Variants in DLG2 observed in about 807,000 individuals in gnomAD.
DLG2 encodes discs large MAGUK scaffold protein 2.
DLG2 carries 45 observed loss-of-function variants against 132.5 expected under a neutral mutation model. The ratio of observed to expected loss-of-function variants is 0.34; its 90% CI spans 0.27 to 0.44. DLG2 has a LOEUF of 0.44. DLG2 is among the 20% of genes least tolerant of loss of function. The probability of loss-of-function intolerance (pLI) is 1.00; values close to 1 mark genes in which losing one functional copy is unlikely to be tolerated. For synonymous variants in DLG2, 424 were observed against 419.6 expected (o/e 1.01, Z -0.13); for missense variants, 1,045 against 1,196.9 (o/e 0.87, Z 1.87).
At chr11:83,921,337 C>T (rs2077852515) in intron 15 of DLG2, among the ~76,000 whole-genome samples, 1 of 152,094 alleles carries the variant, frequency 6.6e-6, no homozygotes, top group South Asian at 2.1e-4. Flanking sequence ...AAAACTTCTG[C>T]TCAAATAAAA....
chr11:83,756,011 G>A (rs2093629815), intron 18 of DLG2, among the ~76,000 whole-genome samples: 1 of 151,422 alleles, frequency 6.6e-6, no homozygotes, highest in South Asian at 2.1e-4. Flanking sequence ...TTCAGCAAAA[G>A]ATTAAATTGG....
chr11:85,364,729 T>G (rs1248889047), intron 3 of DLG2, among the ~76,000 whole-genome samples: 2 of 152,240 alleles, frequency 1.3e-5, no homozygotes, highest in African/African-American at 4.8e-5. Context: ...TTACTGACTT[T>G]AATAGTAATA....
At chr11:83,676,253 C>A (rs1238148809) in intron 18 of DLG2, among the ~76,000 whole-genome samples, 1 of 152,146 alleles carries the variant, frequency 6.6e-6, no homozygotes, top group East Asian at 1.9e-4. Context: ...GAGTCACTGG[C>A]AACTGTCCTG....
chr11:83,674,278 A>G (rs2077319871), intron 18 of DLG2, among the ~76,000 whole-genome samples: 1 of 152,190 alleles, frequency 6.6e-6, no homozygotes, highest in Admixed American at 6.5e-5. Context: ...AATATATTTC[A>G]ATATTTTAAG....
Position 83,906,253 on chromosome 11 carries a change from TCTCTCA to T in DLG2, c.1496+24069_1496+24074del, listed in dbSNP as rs1270743259. ...AGATGTCTCTCTCTCTCTCTCTCTC[TCTCTCA>T]CACACACACACACACACACACACAC... On this transcript the variant is annotated intron_variant, in intron 15 of 27. Coordinates refer to ENST00000376104, the MANE Select transcript of DLG2 (RefSeq NM_001142699.3). Among the ~76,000 whole-genome samples the T allele has an allele frequency of 3.0e-4, 29 of 96,778 alleles. 2 individuals are homozygous for T. Among genetic ancestry groups the T allele is most frequent in the African/African-American group, 1.0e-3 (25 of 24,300 alleles). 63.5% of individuals were successfully genotyped at this position (96,778 alleles called of 152,430 possible). A position where few individuals can be genotyped will look rare whatever the true frequency, so the allele number is the denominator to read the frequency against.
At chr11:85,242,292 C>T (rs2075921821) in intron 4 of DLG2, among the ~76,000 whole-genome samples, 1 of 151,512 alleles carries the variant, frequency 6.6e-6, no homozygotes, top group Non-Finnish European at 1.5e-5. Flanking sequence ...AATGTGATCT[C>T]GTTTTTCCTC....
intron 3 of DLG2, among the ~76,000 whole-genome samples, chr11:85,591,894 T>C (rs2079376230): frequency 6.6e-6 from 1 of 152,254 alleles, no homozygotes; most frequent in African/African-American, 2.4e-5. Context: ...TGGCAAAGTG[T>C]TCAATAAATA....
intron 3 of DLG2, among the ~76,000 whole-genome samples, chr11:85,523,435 T>C (rs2074476093): frequency 6.6e-6 from 1 of 152,124 alleles, no homozygotes; most frequent in African/African-American, 2.4e-5. Context: ...TAAACAGACA[T>C]TTCTCAAAAG....
At chr11:84,011,785 G>GA (rs1398401494) in intron 11 of DLG2, among the ~76,000 whole-genome samples, 13 of 152,126 alleles carry the variant, frequency 8.5e-5, no homozygotes, top group Non-Finnish European at 1.5e-4. Flanking sequence ...ATGAGTACAA[G>GA]AGAGTTAAAA....
At chr11:84,023,827 T>C (rs2095467935) in intron 11 of DLG2, among the ~76,000 whole-genome samples, 1 of 152,136 alleles carries the variant, frequency 6.6e-6, no homozygotes, top group Non-Finnish European at 1.5e-5. Context: ...ATCCTTCTCC[T>C]TACCTACTCA....
At chr11:84,292,408 A>T (rs931542462) in intron 7 of DLG2, among the ~76,000 whole-genome samples, 10 of 152,258 alleles carry the variant, frequency 6.6e-5, no homozygotes, top group African/African-American at 2.4e-4. Context: ...GCCTCCTGGG[A>T]GTCAGCCTGC....
At chr11:84,352,589 A>C (rs1366893847) in intron 7 of DLG2, among the ~76,000 whole-genome samples, 1 of 152,180 alleles carries the variant, frequency 6.6e-6, no homozygotes, top group Non-Finnish European at 1.5e-5. Context: ...TTGTGGGTGT[A>C]AGTGAAGGAG....
rs1216282286 is a variant in DLG2 at position 85,351,873 on chromosome 11, T to C, written c.41-66508A>G. ...AGGGATATTGGGCTAAAATTCTCTT[T>C]TTTTGTTGCGTCCCTGTCAGGCTTT... On this transcript the variant is annotated intron_variant, in intron 3 of 27. Transcript: ENST00000376104. Among the ~76,000 whole-genome samples the C allele has an allele frequency of 3.3e-5, 5 of 152,204 alleles. No individual in the cohort carries two copies. The South Asian group carries it at 1.0e-3, about 31-fold the overall frequency.
At chr11:85,079,999 G>A (rs912948911) in intron 6 of DLG2, among the ~76,000 whole-genome samples, 6 of 152,066 alleles carry the variant, frequency 3.9e-5, no homozygotes, top group Non-Finnish European at 7.4e-5. Context: ...GAGACGGATG[G>A]AAAGGGGCCA....
At chr11:84,057,200 C>T (rs1265133183) in intron 11 of DLG2, among the ~76,000 whole-genome samples, 1 of 152,094 alleles carries the variant, frequency 6.6e-6, no homozygotes, top group Non-Finnish European at 1.5e-5. Context: ...AAATAAAGAT[C>T]TAAAATATGT....
At chr11:84,212,290 T>C (rs1265667936) in intron 8 of DLG2, among the ~76,000 whole-genome samples, 2 of 152,200 alleles carry the variant, frequency 1.3e-5, no homozygotes, top group Non-Finnish European at 2.9e-5. Flanking sequence ...AAAAGCATAA[T>C]GATTCTCACA....
intron 8 of DLG2, among the ~76,000 whole-genome samples, chr11:84,218,331 G>A (rs2096865874): frequency 7.2e-6 from 1 of 139,410 alleles, no homozygotes; most frequent in Non-Finnish European, 1.6e-5. Context: ...GAAAGAGAAG[G>A]AAAGAAGGGA....
At chr11:84,736,632 G>A (rs1434980700) in intron 6 of DLG2, among the ~76,000 whole-genome samples, 1 of 151,562 alleles carries the variant, frequency 6.6e-6, no homozygotes, top group Non-Finnish European at 1.5e-5. Context: ...TTATTCCTAA[G>A]TATTTCATAT....
At chr11:85,528,712 C>T (rs2074972448) in intron 3 of DLG2, among the ~76,000 whole-genome samples, 1 of 152,202 alleles carries the variant, frequency 6.6e-6, no homozygotes, top group African/African-American at 2.4e-5. Flanking sequence ...CATGCAATTG[C>T]ACAGGGCCTT....
Sources: gnomAD v4.1 joint callset for allele counts (sites outside exome capture counted in the v4.1 genomes callset) on GRCh38, gnomAD v4.1.1 for gene constraint, MANE v1.5 for transcripts, NCBI Gene and HGNC (gene_info 2026-07-23, HGNC 2026-07-21) for gene names.